Variants in GATA6 observed in about 807,000 individuals in gnomAD.
GATA6 encodes GATA binding protein 6.
GATA6 carries 11 observed loss-of-function variants against 48.1 expected under a neutral mutation model. The observed-to-expected ratio is 0.23, with a 90% CI of 0.14 to 0.38. The LOEUF is 0.38. Among genes scored for constraint, GATA6 ranks in the 10% least tolerant of loss-of-function variants. GATA6 has a pLI of 1.00. For missense variants in GATA6, 795 were observed against 850.3 expected (o/e 0.93, Z 0.81); for synonymous variants, 419 against 396.1 (o/e 1.06, Z -0.69).
At chr18:22,191,318 C>G (rs1252545235) in intron 6 of GATA6, among the ~76,000 whole-genome samples, 1 of 152,110 alleles carries the variant, frequency 6.6e-6, no homozygotes, top group Non-Finnish European at 1.5e-5. Flanking sequence ...TCCCAGAATA[C>G]AGCTCTTCTT....
Position 22,172,260 on chromosome 18 carries a change from G to A in GATA6, c.1116G>A (p.Val372=). ...LQSRAGAPLP[V]PRGPSADLLE... The stretch of plus-strand genomic sequence containing the variant: ...GCCGCGCCGGAGCCCCGCTCCCGGT[G>A]CCCCGGGGTCCCAGTGCAGGTAAGG... Residue 372 remains valine (V), a synonymous_variant, in exon 2 of 7, where the codon GTG becomes GTA. Coordinates refer to ENST00000269216, the MANE Select transcript of GATA6 (RefSeq NM_005257.6). The surrounding 1 kb of genome is among the most constrained non-coding windows in gnomAD (Gnocchi z 5.2). The A allele has an allele frequency of 3.3e-6, 5 of 1,533,432 alleles. No homozygotes were observed. The highest frequency in any genetic ancestry group is 4.4e-6 in the Non-Finnish European group (5 of 1,146,128). The allele number at this position is 1,533,432 out of a possible 1,614,324, so 95.0% of individuals were successfully genotyped here.
intron 6 of GATA6, among the ~76,000 whole-genome samples, chr18:22,194,136 T>A (rs967375249): frequency 2.6e-5 from 4 of 152,148 alleles, no homozygotes; most frequent in African/African-American, 9.7e-5. Context: ...CTAGCGGATA[T>A]TTTCCATGTC....
At chr18:22,191,857 C>CTAA (rs2033331505) in intron 6 of GATA6, among the ~76,000 whole-genome samples, 1 of 152,134 alleles carries the variant, frequency 6.6e-6, no homozygotes, top group African/African-American at 2.4e-5. Context: ...TTCTAATGTC[C>CTAA]TGTTGGGGTC....
At chr18:22,186,168 C>T (rs558622027) in intron 6 of GATA6, among the ~76,000 whole-genome samples, 21 of 152,248 alleles carry the variant, frequency 1.4e-4, no homozygotes, top group Admixed American at 8.5e-4. Flanking sequence ...GTCCACCCCA[C>T]GGATCTCCAG....
intron 3 of GATA6, among the ~76,000 whole-genome samples, chr18:22,179,545 T>G (rs1365125974): frequency 6.6e-6 from 1 of 152,224 alleles, no homozygotes; most frequent in Non-Finnish European, 1.5e-5. Context: ...TGCTTCACAT[T>G]GGCTCCAAAT....
intron 3 of GATA6, among the ~76,000 whole-genome samples, chr18:22,177,390 C>T (rs2033136832): frequency 6.6e-6 from 1 of 152,094 alleles, no homozygotes; most frequent in African/African-American, 2.4e-5. Context: ...CAGGGGATGA[C>T]GTCCGTAAAT....
chr18:22,179,346 A>C (rs2033166282), intron 3 of GATA6, among the ~76,000 whole-genome samples: 1 of 152,228 alleles, frequency 6.6e-6, no homozygotes, highest in Non-Finnish European at 1.5e-5. Flanking sequence ...ATACATTGCA[A>C]AATAAGAGAT....
intron 3 of GATA6, 38 bp downstream of exon 3, chr18:22,177,159 C>T (rs1303765585): frequency 2.0e-6 from 3 of 1,525,892 alleles, no homozygotes; most frequent in Admixed American, 2.0e-5. Context: ...TCGCGGCCGG[C>T]CCCGGGCTCT....
intron 6 of GATA6, among the ~76,000 whole-genome samples, chr18:22,197,840 G>T (rs2143338804): frequency 6.6e-6 from 1 of 152,222 alleles, no homozygotes; most frequent in Non-Finnish European, 1.5e-5. Flanking sequence ...CCTTGCCCAG[G>T]AGTCCTTGCC....
rs1174566333 is a variant in GATA6, at chr18:22,182,606, C to T, written c.1429-151C>T. 1.1e-5 allele frequency: 7 copies of T among 643,420 alleles called. No homozygotes were observed. In the East Asian group the frequency reaches 1.9e-4, roughly 18 times the overall value. 39.9% of individuals were successfully genotyped at this position (643,420 alleles called of 1,614,324 possible). ...CTCCTGACCTCAGGTGATCTGCCTG[C>T]CTCGGCCTCTGAAAGTGCTGGGATT... On this transcript the variant is annotated intron_variant, in intron 4 of 6. Transcript: ENST00000269216.
Position 22,172,335 on chromosome 18 carries a change from G to A in GATA6, c.1135+56G>A. The A allele has an allele frequency of 1.3e-6, 2 of 1,510,360 alleles. No homozygotes were observed. Among genetic ancestry groups the A allele is most frequent in the Non-Finnish European group, 1.8e-6 (2 of 1,130,372 alleles). 93.6% of individuals were successfully genotyped at this position (1,510,360 alleles called of 1,614,324 possible). A position where few individuals can be genotyped will look rare whatever the true frequency, so the allele number is the denominator to read the frequency against. The stretch of plus-strand genomic sequence containing the variant: ...GGTCCAAAGCGCTGGGGCGCACGGG[G>A]GACGTGGAGCAGCTGCTCCACTCGG... On this transcript the variant is annotated intron_variant, in intron 2 of 6. Transcript: ENST00000269216. This position sits in a 1 kb window ranked among gnomAD's most constrained non-coding sequence, Gnocchi z 5.2.
intron 3 of GATA6, among the ~76,000 whole-genome samples, chr18:22,178,789 T>G (rs1411365090): frequency 6.6e-6 from 1 of 152,190 alleles, no homozygotes; most frequent in Admixed American, 6.6e-5. Flanking sequence ...ATGCATCATA[T>G]TAAAGAAGAA....
Position 22,201,353 on chromosome 18 carries a change from A to C in GATA6, c.*530A>C, listed in dbSNP as rs923122549. 6.3e-6 allele frequency: 1 copy of C among 158,604 alleles called. No homozygotes were observed. The highest frequency in any genetic ancestry group is 2.4e-5 in the African/African-American group (1 of 41,506). 9.8% of individuals were successfully genotyped at this position (158,604 alleles called of 1,614,324 possible). ...TGCAAGACTGCATTGTAACTTTAAC[A>C]TACACTGTGACTGACGTTTCTCAAA... On this transcript the variant is annotated 3_prime_UTR_variant, in exon 7 of 7. Transcript: ENST00000269216.
In GATA6 at chr18:22,170,203, C is replaced by T. The variant is rs758148496; in HGVS notation, c.-38+521C>T. 1.7e-4 allele frequency among the ~76,000 whole-genome samples: 26 copies of T among 152,208 alleles called. No individual in the cohort carries two copies. Among genetic ancestry groups the T allele is most frequent in the Non-Finnish European group, 3.7e-4 (25 of 68,032 alleles). Reference sequence around the variant, plus strand: ...TCCCCCCTCCCCAGCCCGTTGCGTTCCCCCTCCTTTTCTCTGCTCTCCGCT... The same window carrying T: ...TCCCCCCTCCCCAGCCCGTTGCGTTTCCCCTCCTTTTCTCTGCTCTCCGCT... On this transcript the variant is annotated intron_variant, in intron 1 of 6. Transcript: ENST00000269216. The surrounding 1 kb of genome is among the most constrained non-coding windows in gnomAD (Gnocchi z 6.7).
chr18:22,195,647 C>T (rs2033380290), intron 6 of GATA6, among the ~76,000 whole-genome samples: 1 of 152,180 alleles, frequency 6.6e-6, no homozygotes, highest in South Asian at 2.1e-4. Context: ...TTCTCCCCTC[C>T]TCCCAGGGGA....
chr18:22,184,841 T>A (rs2033244624), intron 6 of GATA6, among the ~76,000 whole-genome samples: 1 of 152,154 alleles, frequency 6.6e-6, no homozygotes, highest in South Asian at 2.1e-4. Flanking sequence ...GGAGCAATTA[T>A]GTAGCTAGAG....
Position 22,200,880 on chromosome 18 carries a change from C to T in GATA6, c.*57C>T. On this transcript the variant is annotated 3_prime_UTR_variant, in exon 7 of 7. Coordinates refer to ENST00000269216, the MANE Select transcript of GATA6 (RefSeq NM_005257.6). ...GCCGCGGGCCTCACTCCACTCGTGTCTGCTTTTGTGCAGCGGTCCAGACAG... is the reference window on the plus strand; with the variant it reads ...GCCGCGGGCCTCACTCCACTCGTGTTTGCTTTTGTGCAGCGGTCCAGACAG... 1 of 1,547,882 alleles carries T rather than the reference C, an allele frequency of 6.5e-7. No individual in the cohort carries two copies. The highest frequency in any genetic ancestry group is 1.1e-5 in the South Asian group (1 of 87,060).
chr18:22,199,416 ATT>A (rs1347858464), intron 6 of GATA6, among the ~76,000 whole-genome samples: 1 of 152,234 alleles, frequency 6.6e-6, no homozygotes, highest in Non-Finnish European at 1.5e-5. Flanking sequence ...GAAAAAGGTG[ATT>A]TTAAAAAGTA....
In GATA6 at chr18:22,171,882, C is replaced by T; in HGVS notation, c.738C>T (p.Ala246=). 8.7e-7 allele frequency: 1 copy of T among 1,152,480 alleles called. No homozygotes were observed. The highest frequency in any genetic ancestry group is 1.1e-6 in the Non-Finnish European group (1 of 938,320). The allele number at this position is 1,152,480 out of a possible 1,614,324, so 71.4% of individuals were successfully genotyped here. The change falls in exon 2 of 7, where the codon GCC becomes GCT. Residue 246 remains alanine (A), a synonymous_variant. Coordinates refer to ENST00000269216, the MANE Select transcript of GATA6 (RefSeq NM_005257.6). This position sits in a 1 kb window ranked among gnomAD's most constrained non-coding sequence, Gnocchi z 7.1. The stretch of plus-strand genomic sequence containing the variant: ...GAGGCGGCGCGGCTGGCGGCGGGGC[C>T]GCGGGGCCTGGCGGCGCTGGCTCAG... The part of the protein sequence containing the change: ...GSGGGAAGGG[A]AGPGGAGSAA...
Sources: allele counts gnomAD v4.1 joint callset (sites outside exome capture counted in the v4.1 genomes callset), GRCh38; gene constraint gnomAD v4.1.1; non-coding constraint Gnocchi (gnomAD v3.1); transcripts MANE v1.5; gene names NCBI Gene and HGNC (gene_info 2026-07-23, HGNC 2026-07-21).